The following PTPRC variants were observed in gnomAD, a reference collection of about 807,000 sequenced individuals.
The protein encoded by PTPRC is protein tyrosine phosphatase receptor type C, also known as receptor-type tyrosine-protein phosphatase C.
A neutral mutation model predicts 155.9 loss-of-function variants in PTPRC; 44 were observed. That is an observed-to-expected ratio of 0.28 (90% CI 0.22 to 0.36). The LOEUF (loss-of-function observed/expected upper bound fraction) is 0.36. Ranked by LOEUF, PTPRC falls within the 10% of genes least tolerant of loss-of-function variation. PTPRC has a pLI of 1.00. For missense variants in PTPRC, 1,401 were observed against 1,564.6 expected, an observed-to-expected ratio of 0.90 and a Z score of 1.76; for synonymous variants, 525 against 533.1, an observed-to-expected ratio of 0.98 and a Z score of 0.21.
intron 23 of PTPRC, among the ~76,000 whole-genome samples, chr1:198,738,956 T>C (rs1654774794): frequency 6.6e-6 from 1 of 151,774 alleles, no homozygotes; most frequent in Non-Finnish European, 1.5e-5. Context: ...AGTTAAAATA[T>C]AGCATTTTCA....
In PTPRC at chr1:198,716,686, A is replaced by T; in HGVS notation, c.1296A>T (p.Lys432Asn). 1 of 1,611,568 alleles carries T rather than the reference A, an allele frequency of 6.2e-7. No homozygotes were observed. Among genetic ancestry groups the T allele is most frequent in the Non-Finnish European group, 8.5e-7 (1 of 1,179,508 alleles). Residue 432 changes from lysine (K) to asparagine (N), a missense_variant, in exon 13 of 33, where the codon AAA becomes AAT. Coordinates refer to ENST00000442510, the MANE Select transcript of PTPRC (RefSeq NM_002838.5). ...FTLCYIKETE[K>N]DCLNLDKNLI... is the part of the protein sequence containing the mutation. ...TTTTTTCACATTTTTCCTCAGAAAA[A>T]GATTGCCTCAATCTGGATAAAAACC... is the stretch of plus-strand genomic sequence containing the variant.
chr1:198,748,334 T>G, intron 27 of PTPRC, 135 bp downstream of exon 27: 1 of 1,201,458 alleles, frequency 8.3e-7, no homozygotes, highest in Non-Finnish European at 1.1e-6. Context: ...GGGAAGAAGT[T>G]ACTAGGTATT....
intron 23 of PTPRC, 136 bp downstream of exon 23, chr1:198,735,388 G>A (rs1370323807): frequency 8.3e-6 from 7 of 840,486 alleles, no homozygotes; most frequent in Non-Finnish European, 1.2e-5. Flanking sequence ...GCTGTGGTTA[G>A]AACAATGACA....
chr1:198,669,677 A>C (rs1490326815), intron 2 of PTPRC, among the ~76,000 whole-genome samples: 1 of 151,900 alleles, frequency 6.6e-6, no homozygotes, highest in African/African-American at 2.4e-5. Context: ...CCTGCCAGCC[A>C]CTCCCAGACC....
chr1:198,690,028 G>C (rs1665844002), intron 2 of PTPRC, among the ~76,000 whole-genome samples: 1 of 152,218 alleles, frequency 6.6e-6, no homozygotes, highest in South Asian at 2.1e-4. Context: ...AAATTAACTT[G>C]TTTCAAGTTC....
At chr1:198,679,198 T>C in intron 2 of PTPRC, 1 of 202,830 alleles carries the variant, frequency 4.9e-6, no homozygotes, top group East Asian at 1.1e-4. Flanking sequence ...CTGGTAACGC[T>C]TTCTGGCCAC....
intron 2 of PTPRC, among the ~76,000 whole-genome samples, chr1:198,678,752 CT>C (rs201060607): frequency 3.6e-4 from 53 of 145,990 alleles, no homozygotes; most frequent in Admixed American, 5.4e-4. Context: ...TTTTCTTTTT[CT>C]TTTTTTTTTT....
At position 198,706,773 on chromosome 1, in the gene PTPRC, A is replaced by G. The variant is rs1267788074; in HGVS notation, c.725A>G (p.Asn242Ser). Reference sequence around the variant, plus strand: ...AACATCACTGTGGATTACTTATATAACAAGGAAACTAAATTATTTACAGCA... The same window carrying G: ...AACATCACTGTGGATTACTTATATAGCAAGGAAACTAAATTATTTACAGCA... ...YANITVDYLYNKETKLFTAKL... is the reference protein window; with the variant it reads ...YANITVDYLYSKETKLFTAKL... The change falls in exon 9 of 33, where the codon AAC (asparagine) becomes AGC (serine). Residue 242 changes from asparagine (N) to serine (S), a missense_variant. By Grantham distance (46) the Asn-to-Ser change is conservative. Transcript: ENST00000442510. 6.2e-7 allele frequency: 1 copy of G among 1,612,316 alleles called. No individual in the cohort carries two copies.
rs767265801 is a variant in PTPRC at position 198,732,285 on chromosome 1, C to T, written c.1975-15C>T. The T allele has an allele frequency of 1.5e-5, 24 of 1,594,554 alleles. No homozygotes were observed. Among genetic ancestry groups the T allele is most frequent in the Admixed American group, 3.3e-5 (2 of 59,702 alleles). On this transcript the variant is annotated splice_polypyrimidine_tract_variant and intron_variant, in intron 18 of 32. Transcript: ENST00000442510. The stretch of plus-strand genomic sequence containing the variant: ...CTGAATCTGCTGTGATCCAAGAAAT[C>T]GTTGTTTCTTTCAGAGCATCCCGCG...
intron 2 of PTPRC, among the ~76,000 whole-genome samples, chr1:198,653,446 T>TA (rs1204208443): frequency 1.3e-5 from 2 of 151,838 alleles, no homozygotes; most frequent in Non-Finnish European, 2.9e-5. Context: ...AAATCTTGAT[T>TA]AAAAAAACAA....
chr1:198,708,427 A>T (rs1653114860), intron 10 of PTPRC, among the ~76,000 whole-genome samples, 166 bp downstream of exon 10: 1 of 152,046 alleles, frequency 6.6e-6, no homozygotes, highest in Non-Finnish European at 1.5e-5. Flanking sequence ...TGGTATATTT[A>T]GAGTCAAATA....
intron 18 of PTPRC, 49 bp downstream of exon 18, chr1:198,731,775 T>A (rs771057595): frequency 7.1e-7 from 1 of 1,400,714 alleles, no homozygotes; most frequent in South Asian, 1.2e-5. Context: ...TCAAGACAGT[T>A]CCACTTTAAG....
intron 2 of PTPRC, among the ~76,000 whole-genome samples, chr1:198,684,673 CAA>C (rs200766684): frequency 6.7e-6 from 1 of 150,278 alleles, no homozygotes; most frequent in Admixed American, 6.6e-5. Context: ...TTCTTTAAAA[CAA>C]AAAAAAAGAT....
intron 26 of PTPRC, among the ~76,000 whole-genome samples, chr1:198,747,839 T>C (rs1397863874): frequency 2.0e-5 from 3 of 151,896 alleles, no homozygotes; most frequent in Non-Finnish European, 4.4e-5. Context: ...GAACAAACTA[T>C]ATTATTTTTC....
At chr1:198,699,442 C>A (rs1031202357) in intron 4 of PTPRC, 122 bp from the exon 5 acceptor site, 1 of 1,185,554 alleles carries the variant, frequency 8.4e-7, no homozygotes, top group Non-Finnish European at 1.2e-6. Context: ...CACATTTTAA[C>A]AGATTCAGTT....
chr1:198,666,999 G>C (rs371901520), intron 2 of PTPRC: 1 of 152,142 alleles, frequency 6.6e-6, no homozygotes, highest in Non-Finnish European at 1.5e-5. Flanking sequence ...AGCAACTTAC[G>C]ATATTTTGAT....
intron 2 of PTPRC, among the ~76,000 whole-genome samples, chr1:198,685,742 C>T (rs1665584451): frequency 6.6e-6 from 1 of 151,882 alleles, no homozygotes; most frequent in Non-Finnish European, 1.5e-5. Flanking sequence ...TCTTGATTTG[C>T]TTTTTTCCAC....
chr1:198,716,840 C>T lies in PTPRC; in HGVS notation c.1450C>T (p.Pro484Ser), dbSNP rs762144487. The change falls in exon 13 of 33, where the codon CCT (proline) becomes TCT (serine). Residue 484 changes from proline to serine, a missense_variant and splice_region_variant. Around this residue, in one of 3 missense-constraint regions of PTPRC, gnomAD observed 867 missense variants for 970.4 expected, o/e 0.89. Transcript: ENST00000442510. The part of the protein sequence containing the change: ...AMCHFTTKSA[P>S]PSQVWNMTVS... Reference sequence around the variant, plus strand: ...GTGTCATTTCACAACTAAAAGTGCTCGTAAGTTATATGTTTTAATGCTTCT... The same window carrying T: ...GTGTCATTTCACAACTAAAAGTGCTTGTAAGTTATATGTTTTAATGCTTCT... The T allele has an allele frequency of 3.5e-5, 57 of 1,613,074 alleles. No individual in the cohort carries two copies. The highest frequency in any genetic ancestry group is 1.7e-4 in the Middle Eastern group (1 of 5,732).
intron 10 of PTPRC, 108 bp downstream of exon 10, chr1:198,708,369 G>C: frequency 9.1e-7 from 1 of 1,092,950 alleles, no homozygotes; most frequent in Non-Finnish European, 1.3e-6. Context: ...TGCCTCTCTT[G>C]TTCTCCCTCT....
Sources: gnomAD v4.1 joint callset for allele counts (sites outside exome capture counted in the v4.1 genomes callset) on GRCh38, gnomAD v4.1.1 for gene constraint, gnomAD v4.1.1 regional missense constraint, MANE v1.5 for transcripts, NCBI Gene and HGNC (gene_info 2026-07-23, HGNC 2026-07-21) for gene names.